FGF12: variants seen among roughly 807,000 people sequenced by gnomAD.
FGF12 encodes fibroblast growth factor 12.
Under a neutral mutation model 23.6 loss-of-function variants are expected in FGF12, and 14 were observed. The observed-to-expected ratio is 0.59, with a 90% CI of 0.39 to 0.93. The LOEUF (loss-of-function observed/expected upper bound fraction) is 0.93. Among genes scored for constraint, FGF12 ranks in the 40% least tolerant of loss-of-function variants. FGF12 has a pLI of 0.00. For missense variants in FGF12, 175 were observed against 217.8 expected, an observed-to-expected ratio of 0.80 and a Z score of 1.24; for synonymous variants, 62 against 77.3, an observed-to-expected ratio of 0.80 and a Z score of 1.04.
intron 2 of FGF12, among the ~76,000 whole-genome samples, chr3:192,381,718 A>G (rs1719820711): frequency 6.6e-6 from 1 of 152,208 alleles, no homozygotes; most frequent in Non-Finnish European, 1.5e-5. Context: ...GGAGTAAAAA[A>G]TAATAACACT....
intron 2 of FGF12, among the ~76,000 whole-genome samples, chr3:192,690,980 G>A (rs1201853827): frequency 6.6e-6 from 1 of 151,960 alleles, no homozygotes; most frequent in African/African-American, 2.4e-5. Context: ...TGCATCAAGA[G>A]TCTACCACAA....
At chr3:192,517,328 C>G (rs1724697798) in intron 2 of FGF12, among the ~76,000 whole-genome samples, 2 of 152,174 alleles carry the variant, frequency 1.3e-5, no homozygotes, top group African/African-American at 4.8e-5. Flanking sequence ...TCCCTGGGTT[C>G]TGGGTGTTAG....
intron 2 of FGF12, among the ~76,000 whole-genome samples, chr3:192,669,543 G>T (rs1717027916): frequency 6.9e-6 from 1 of 144,422 alleles, no homozygotes; most frequent in Non-Finnish European, 1.5e-5. Context: ...GGCAGAGGTT[G>T]CAGTGAGCCG....
At chr3:192,246,440 A>T (rs2108600396) in intron 4 of FGF12, among the ~76,000 whole-genome samples, 1 of 152,324 alleles carries the variant, frequency 6.6e-6, no homozygotes, top group Admixed American at 6.5e-5. Context: ...CCTTGACTCA[A>T]GATAGCATAA....
chr3:192,160,557 AT>A (rs1187090157), intron 5 of FGF12, among the ~76,000 whole-genome samples: 2 of 151,860 alleles, frequency 1.3e-5, no homozygotes, highest in African/African-American at 4.8e-5. Flanking sequence ...ATAGTCCCAT[AT>A]TTTTTTCTTG....
chr3:192,297,786 T>G (rs1199322984), intron 4 of FGF12, among the ~76,000 whole-genome samples: 2 of 152,172 alleles, frequency 1.3e-5, no homozygotes, highest in Non-Finnish European at 2.9e-5. Flanking sequence ...ATCCCCAAAG[T>G]TAGCAGTGCT....
Position 192,727,170 on chromosome 3 carries a change from C to T in FGF12, c.13+11G>A, listed in dbSNP as rs1577144563. The T allele has an allele frequency of 6.3e-7, 1 of 1,577,294 alleles. No homozygotes were observed. The highest frequency in any genetic ancestry group is 2.3e-5 in the East Asian group (1 of 42,896). On this transcript the variant is annotated intron_variant, in intron 2 of 5. Coordinates refer to ENST00000445105, the MANE Select transcript of FGF12 (RefSeq NM_004113.6). ...GCAGCGGGAAGTCCCCCGATAGGGA[C>T]AACCACATACCTTTGCTCTCCATTT...
chr3:192,235,317 T>C (rs979673546), intron 4 of FGF12, among the ~76,000 whole-genome samples: 10 of 152,150 alleles, frequency 6.6e-5, no homozygotes, highest in Non-Finnish European at 1.2e-4. Flanking sequence ...AGATTTCTGG[T>C]TGTTTTTTTG....
chr3:192,600,252 G>GT (rs34317552), intron 2 of FGF12, among the ~76,000 whole-genome samples: 23,130 of 152,004 alleles, frequency 0.15, 1,788 homozygotes, highest in Middle Eastern at 0.19. Flanking sequence ...TGGTCTATGT[G>GT]TCTGTTTTTA....
intron 2 of FGF12, among the ~76,000 whole-genome samples, chr3:192,533,037 T>C (rs993277547): frequency 6.6e-6 from 1 of 152,202 alleles, no homozygotes; most frequent in African/African-American, 2.4e-5. Flanking sequence ...TGACACCATC[T>C]TACTCAGAGT....
At chr3:192,307,315 C>T (rs1056262708) in intron 4 of FGF12, among the ~76,000 whole-genome samples, 9 of 151,962 alleles carry the variant, frequency 5.9e-5, no homozygotes, top group African/African-American at 2.2e-4. Flanking sequence ...AAAAAAGGCA[C>T]AATAAATAGA....
intron 2 of FGF12, among the ~76,000 whole-genome samples, chr3:192,640,836 A>C (rs542586506): frequency 1.3e-5 from 2 of 152,098 alleles, no homozygotes; most frequent in South Asian, 4.2e-4. Context: ...TGTGTGAGAC[A>C]GGGTCTTACT....
rs557355149 is a variant in FGF12 at position 192,546,212 on chromosome 3, T to C, written c.13+180969A>G. Among the ~76,000 whole-genome samples, 86 of 152,232 alleles carry C rather than the reference T, an allele frequency of 5.6e-4. 1 individual carries two copies. The South Asian group carries it at 7.7e-3, about 14-fold the overall frequency. On this transcript the variant is annotated intron_variant, in intron 2 of 5. Transcript: ENST00000445105. ...GAGTCTCAGTTGTTTCCTCTAAATA[T>C]AGATAAGAATGCCTCATTATAGAGT...
intron 2 of FGF12, among the ~76,000 whole-genome samples, chr3:192,468,063 G>A (rs1163503238): frequency 1.3e-5 from 2 of 152,314 alleles, no homozygotes; most frequent in East Asian, 1.9e-4. Context: ...GGGAAGTCCT[G>A]ACACGGAAAT....
chr3:192,404,084 G>A (rs932818859), intron 2 of FGF12, among the ~76,000 whole-genome samples: 6 of 152,186 alleles, frequency 3.9e-5, no homozygotes, highest in Middle Eastern at 3.4e-3. Context: ...AGGGATCGGC[G>A]TATGAAATCA....
chr3:192,238,782 G>C (rs1719441352), intron 4 of FGF12: 1 of 152,172 alleles, frequency 6.6e-6, no homozygotes, highest in Non-Finnish European at 1.5e-5. Flanking sequence ...CTCTAACTCA[G>C]TGAATTCCTT....
intron 2 of FGF12, among the ~76,000 whole-genome samples, chr3:192,449,076 G>T (rs756919131): frequency 7.9e-5 from 12 of 152,132 alleles, no homozygotes; most frequent in Non-Finnish European, 1.6e-4. Flanking sequence ...CAGTCCTTCC[G>T]ATACCTGCGG....
intron 4 of FGF12, among the ~76,000 whole-genome samples, chr3:192,190,669 G>A (rs1287195258): frequency 6.6e-6 from 1 of 151,702 alleles, no homozygotes. Context: ...TAGAGACGGG[G>A]TTTCACCGTT....
intron 2 of FGF12, among the ~76,000 whole-genome samples, chr3:192,526,095 T>A (rs1378038244): frequency 6.6e-6 from 1 of 152,216 alleles, no homozygotes; most frequent in Non-Finnish European, 1.5e-5. Flanking sequence ...CATGTTCATG[T>A]CTACATGTTT....
Sources: gnomAD v4.1 joint callset for allele counts (sites outside exome capture counted in the v4.1 genomes callset) on GRCh38, gnomAD v4.1.1 for gene constraint, MANE v1.5 for transcripts, NCBI Gene and HGNC (gene_info 2026-07-23, HGNC 2026-07-21) for gene names.